The following NETO1 variants were observed in gnomAD, a reference collection of about 807,000 sequenced individuals.
NETO1 encodes the protein neuropilin and tolloid like 1, also known as neuropilin and tolloid-like protein 1.
A neutral mutation model predicts 61.3 loss-of-function variants in NETO1; 26 were observed. The observed-to-expected ratio is 0.42, with a 90% confidence interval of 0.31 to 0.59. NETO1 has a LOEUF of 0.59. NETO1 is among the 20% of genes least tolerant of loss of function. The pLI is 0.12. For synonymous variants in NETO1, 225 were observed against 225.8 expected, an observed-to-expected ratio of 1.00 and a Z score of 0.03; for missense variants, 531 against 662.8, an observed-to-expected ratio of 0.80 and a Z score of 2.18.
chr18:72,862,911 CGTCTGGCGATCCAGTTTCTTAAATACCT>C (rs1298412842), intron 3 of NETO1, among the ~76,000 whole-genome samples: 1 of 152,150 alleles, frequency 6.6e-6, no homozygotes, highest in East Asian at 1.9e-4. Flanking sequence ...TGAGCCACCA[CGTCTGGCGATCCAGTTTCTTAAATACCT>C]CTCAGTTCTT....
At chr18:72,831,029 A>G (rs868221716) in intron 4 of NETO1, among the ~76,000 whole-genome samples, 3 of 151,364 alleles carry the variant, frequency 2.0e-5, no homozygotes, top group African/African-American at 7.3e-5. Flanking sequence ...GGTTTTCAAG[A>G]CCCCCTTACC....
intron 4 of NETO1, among the ~76,000 whole-genome samples, chr18:72,799,013 CA>C (rs1332834832): frequency 3.3e-5 from 5 of 152,198 alleles, no homozygotes; most frequent in Admixed American, 6.5e-5. Context: ...ACATAATGAA[CA>C]GAAGCAATTG....
At chr18:72,855,082 C>G (rs1259389351) in intron 4 of NETO1, among the ~76,000 whole-genome samples, 1 of 152,064 alleles carries the variant, frequency 6.6e-6, no homozygotes, top group Non-Finnish European at 1.5e-5. Context: ...TTTGATATGT[C>G]TTCTATTTTT....
chr18:72,793,935 C>G (rs937131486), intron 6 of NETO1, among the ~76,000 whole-genome samples, 182 bp downstream of exon 6: 1 of 152,152 alleles, frequency 6.6e-6, no homozygotes, highest in Non-Finnish European at 1.5e-5. Context: ...TTGCTATTTA[C>G]GACATCAAAT....
At chr18:72,827,001 G>T (rs1002946979) in intron 4 of NETO1, among the ~76,000 whole-genome samples, 3 of 151,580 alleles carry the variant, frequency 2.0e-5, no homozygotes, top group Non-Finnish European at 4.4e-5. Flanking sequence ...GCCTCCTACA[G>T]TTATTCTTGA....
At chr18:72,794,832 T>C (rs917082439) in intron 4 of NETO1, among the ~76,000 whole-genome samples, 1 of 152,220 alleles carries the variant, frequency 6.6e-6, no homozygotes, top group Non-Finnish European at 1.5e-5. Context: ...CTAGATACTA[T>C]CCTCTTTTCT....
rs527336893 is a variant in NETO1, at chr18:72,809,425, T to C, written c.470-15021A>G. 2.1e-4 allele frequency among the ~76,000 whole-genome samples: 32 copies of C among 152,300 alleles called. 1 individual carries two copies. In the South Asian group the frequency reaches 6.6e-3, roughly 32 times the overall value. On this transcript the variant is annotated intron_variant, in intron 4 of 10. Coordinates refer to ENST00000327305, the MANE Select transcript of NETO1 (RefSeq NM_138966.5). Reference sequence around the variant, plus strand: ...AGAATTCTACCTTCTAAGGCATCAATTGCCTCGCTTCTAAGAGACTGGGGT... The same window carrying C: ...AGAATTCTACCTTCTAAGGCATCAACTGCCTCGCTTCTAAGAGACTGGGGT...
downstream of NETO1, among the ~76,000 whole-genome samples, chr18:72,743,178 T>C (rs1330654697): frequency 6.6e-6 from 1 of 152,186 alleles, no homozygotes; most frequent in Non-Finnish European, 1.5e-5. Context: ...GAAATCATGA[T>C]GTAAACTCAA....
intron 4 of NETO1, among the ~76,000 whole-genome samples, chr18:72,804,981 T>G (rs1305219981): frequency 6.6e-6 from 1 of 152,238 alleles, no homozygotes; most frequent in African/African-American, 2.4e-5. Context: ...ATTATTTGCA[T>G]TGGCTTTGAA....
chr18:72,770,217 C>T lies in NETO1; in HGVS notation c.868+13461G>A, dbSNP rs539296856. On this transcript the variant is annotated intron_variant, in intron 7 of 10. Coordinates refer to ENST00000327305, the MANE Select transcript of NETO1 (RefSeq NM_138966.5). Reference sequence around the variant, plus strand: ...GAATTAATTATGCACATTTTGGCCCCATTTTCTATTAGAATGCTTATCTTT... The same window carrying T: ...GAATTAATTATGCACATTTTGGCCCTATTTTCTATTAGAATGCTTATCTTT... 2.0e-5 allele frequency among the ~76,000 whole-genome samples: 3 copies of T among 152,014 alleles called. No individual in the cohort carries two copies. In the South Asian group the frequency reaches 6.2e-4, roughly 32 times the overall value.
chr18:72,857,750 T>G (rs1191461884), intron 4 of NETO1, among the ~76,000 whole-genome samples: 1 of 152,190 alleles, frequency 6.6e-6, no homozygotes, highest in African/African-American at 2.4e-5. Context: ...TAATCCATTA[T>G]CAGCAAAGCA....
chr18:72,805,866 T>C (rs1396253024), intron 4 of NETO1, among the ~76,000 whole-genome samples: 2 of 152,100 alleles, frequency 1.3e-5, no homozygotes, highest in Admixed American at 6.6e-5. Context: ...GGGAAAAATA[T>C]GTTTGAGTAT....
At chr18:72,849,028 A>G (rs1411630053) in intron 4 of NETO1, among the ~76,000 whole-genome samples, 2 of 152,282 alleles carry the variant, frequency 1.3e-5, no homozygotes, top group Non-Finnish European at 2.9e-5. Context: ...GAAGAGCTTT[A>G]TGAGTCACAC....
At chr18:72,768,188 C>T (rs548176927) in intron 7 of NETO1, among the ~76,000 whole-genome samples, 4 of 152,258 alleles carry the variant, frequency 2.6e-5, no homozygotes, top group African/African-American at 9.6e-5. Context: ...AAATTTCAAA[C>T]ACATCTATAC....
intron 3 of NETO1, among the ~76,000 whole-genome samples, chr18:72,861,513 T>C (rs1329789565): frequency 6.6e-6 from 1 of 152,214 alleles, no homozygotes; most frequent in Non-Finnish European, 1.5e-5. Flanking sequence ...GATCTAACAC[T>C]GAGGTTAGTT....
At chr18:72,845,420 A>T (rs1568253826) in intron 4 of NETO1, among the ~76,000 whole-genome samples, 1 of 152,176 alleles carries the variant, frequency 6.6e-6, no homozygotes, top group Non-Finnish European at 1.5e-5. Context: ...TGTATATATA[A>T]CATATACAGT....
intron 4 of NETO1, among the ~76,000 whole-genome samples, chr18:72,829,550 T>G (rs2145375242): frequency 2.0e-5 from 3 of 152,330 alleles, no homozygotes; most frequent in Admixed American, 2.0e-4. Flanking sequence ...AATTTAAATG[T>G]ATATTTAAAT....
chr18:72,771,672 T>C (rs928975905), intron 7 of NETO1, among the ~76,000 whole-genome samples: 3 of 152,202 alleles, frequency 2.0e-5, no homozygotes, highest in African/African-American at 7.2e-5. Context: ...AATTACAGTA[T>C]ATCTTGCCCC....
At chr18:72,865,603 A>AAGG (rs1166653204) in intron 1 of NETO1, 1 of 1,605,854 alleles carries the variant, frequency 6.2e-7, no homozygotes, top group Non-Finnish European at 8.5e-7. Context: ...AGCATCTCTG[A>AAGG]ATGAAGAGAG....
Sources: gnomAD v4.1 joint callset for allele counts (sites outside exome capture counted in the v4.1 genomes callset) on GRCh38, gnomAD v4.1.1 for gene constraint, MANE v1.5 for transcripts, NCBI Gene and HGNC (gene_info 2026-07-23, HGNC 2026-07-21) for gene names.